The following TUT4 variants were observed in gnomAD, a reference collection of about 807,000 sequenced individuals.
TUT4 encodes terminal uridylyltransferase 4.
In TUT4, 36 loss-of-function variants were observed where a neutral mutation model predicts 192.2. That is an observed-to-expected ratio of 0.19 (90% CI 0.14 to 0.25). The LOEUF (loss-of-function observed/expected upper bound fraction) is 0.25, where lower values mean the gene tolerates loss of function less well. Ranked by LOEUF, TUT4 falls within the 10% of genes least tolerant of loss-of-function variation. TUT4 has a pLI of 1.00. For missense variants in TUT4, 1,493 were observed against 1,957.2 expected (o/e 0.76, Z 4.47); for synonymous variants, 618 against 666.0 (o/e 0.93, Z 1.11).
intron 20 of TUT4, among the ~76,000 whole-genome samples, chr1:52,452,493 A>G (rs75423463): frequency 0.087 from 13,266 of 152,240 alleles, 735 homozygotes; most frequent in East Asian, 0.2. Context: ...CTATACCCCA[A>G]CCTTTGGGGA....
At chr1:52,442,761 T>TTATGGAATAC (rs747834487) in intron 24 of TUT4, among the ~76,000 whole-genome samples, 2 of 152,158 alleles carry the variant, frequency 1.3e-5, no homozygotes, top group African/African-American at 2.4e-5. Flanking sequence ...TATATCCAAG[T>TTATGGAATAC]TATGGAATAC....
Position 52,479,997 on chromosome 1 carries a change from GAAAAAAAAA to G in TUT4, c.1848+1417_1848+1425del, listed in dbSNP as rs375149209. Among the ~76,000 whole-genome samples the G allele has an allele frequency of 4.5e-4, 30 of 67,208 alleles. No homozygotes were observed. The South Asian group carries it at 0.012, about 27-fold the overall frequency. 44.1% of individuals were successfully genotyped at this position (67,208 alleles called of 152,430 possible). A position where few individuals can be genotyped will look rare whatever the true frequency, so the allele number is the denominator to read the frequency against. On this transcript the variant is annotated intron_variant, in intron 11 of 29. Transcript: ENST00000257177. ...GCGACAGAGCGAGACTCCGTCTCAG[GAAAAAAAAA>G]AAAAAAAAAAAAAGACTATTAGATA... is the stretch of plus-strand genomic sequence containing the variant.
chr1:52,425,126 T>C, intron 29 of TUT4: 1 of 407,764 alleles, frequency 2.5e-6, no homozygotes, highest in Non-Finnish European at 4.2e-6. Flanking sequence ...TCATCTAAAC[T>C]CCTTTTCTAT....
intron 1 of TUT4, among the ~76,000 whole-genome samples, chr1:52,541,675 C>T (rs1045008517): frequency 2.7e-5 from 4 of 150,388 alleles, no homozygotes; most frequent in African/African-American, 9.8e-5. Context: ...CTTGGATCAA[C>T]AATGATTTTT....
chr1:52,497,210 A>G (rs1261571846), intron 4 of TUT4, 27 bp from the exon 5 acceptor site: 76 of 1,541,482 alleles, frequency 4.9e-5, no homozygotes, highest in Non-Finnish European at 6.4e-5. Context: ...TCACAACAAT[A>G]AAAACAAAAA....
At chr1:52,484,995 A>G (rs1282677695) in intron 9 of TUT4, among the ~76,000 whole-genome samples, 1 of 152,124 alleles carries the variant, frequency 6.6e-6, no homozygotes, top group African/African-American at 2.4e-5. Context: ...TTATTTATGT[A>G]TTTCTTTACT....
intron 24 of TUT4, among the ~76,000 whole-genome samples, chr1:52,440,526 T>G (rs1655223942): frequency 6.6e-6 from 1 of 151,870 alleles, no homozygotes; most frequent in African/African-American, 2.4e-5. Flanking sequence ...TCATCCTAGT[T>G]TTTGCCAGGA....
chr1:52,479,610 T>C (rs1269309754), intron 11 of TUT4, among the ~76,000 whole-genome samples: 1 of 152,158 alleles, frequency 6.6e-6, no homozygotes, highest in Non-Finnish European at 1.5e-5. Context: ...ACTGAAAGGA[T>C]GCAGTGCAAA....
chr1:52,446,114 T>G, intron 22 of TUT4, 110 bp from the exon 23 acceptor site: 1 of 1,306,328 alleles, frequency 7.7e-7, no homozygotes, highest in South Asian at 1.4e-5. Context: ...ACTATACAAA[T>G]CAGCAAACTC....
At chr1:52,522,987 C>CTTT (rs748149518) in intron 2 of TUT4, among the ~76,000 whole-genome samples, 1,416 of 89,534 alleles carry the variant, frequency 0.016, 18 homozygotes, top group East Asian at 0.019. Flanking sequence ...CCTTAACTAT[C>CTTT]TTTTTTTTTT....
intron 4 of TUT4, among the ~76,000 whole-genome samples, chr1:52,507,889 C>T (rs1163212621): frequency 6.6e-6 from 1 of 152,144 alleles, no homozygotes; most frequent in South Asian, 2.1e-4. Context: ...TGGCTCACTG[C>T]AGCCTCCACC....
intron 1 of TUT4, among the ~76,000 whole-genome samples, chr1:52,528,156 G>A (rs1682326684): frequency 6.6e-6 from 1 of 150,730 alleles, no homozygotes; most frequent in East Asian, 1.9e-4. Flanking sequence ...TCCAGCCTGG[G>A]TGACAGAGCA....
Position 52,525,738 on chromosome 1 carries a change from T to C in TUT4, c.543A>G (p.Gly181=). The change falls in exon 2 of 30, where the codon GGA becomes GGG. Residue 181 remains glycine (G), a synonymous_variant. Coordinates refer to ENST00000257177, the MANE Select transcript of TUT4 (RefSeq NM_001009881.3). ...AAGTAAAGGAGCTTGGAATTTTTTTTCCAATCTGTTGTAATTCTGTCTTCT... is the reference window on the plus strand; with the variant it reads ...AAGTAAAGGAGCTTGGAATTTTTTTCCCAATCTGTTGTAATTCTGTCTTCT... ...MRQKTELQQI[G]KKIPSSFTSV... 2.5e-6 allele frequency: 4 copies of C among 1,614,210 alleles called. No homozygotes were observed. Among genetic ancestry groups the C allele is most frequent in the Non-Finnish European group, 3.4e-6 (4 of 1,180,034 alleles).
At chr1:52,533,315 T>A (rs536394885) in intron 1 of TUT4, among the ~76,000 whole-genome samples, 193 of 152,370 alleles carry the variant, frequency 1.3e-3, no homozygotes, top group Non-Finnish European at 2.2e-3. Context: ...ATATACTTAA[T>A]CACATTTCCC....
intron 11 of TUT4, among the ~76,000 whole-genome samples, chr1:52,478,931 T>C (rs1339496771): frequency 6.6e-6 from 1 of 151,956 alleles, no homozygotes; most frequent in Non-Finnish European, 1.5e-5. Flanking sequence ...TTACTTTCTA[T>C]GGAAAGACAA....
intron 11 of TUT4, among the ~76,000 whole-genome samples, chr1:52,480,924 T>C (rs1181302620): frequency 1.3e-5 from 2 of 152,214 alleles, no homozygotes; most frequent in Non-Finnish European, 2.9e-5. Flanking sequence ...ATTTCTGTAA[T>C]AATGCATCTG....
intron 1 of TUT4, among the ~76,000 whole-genome samples, chr1:52,548,238 G>A (rs979153188): frequency 1.3e-5 from 2 of 152,062 alleles, no homozygotes; most frequent in African/African-American, 4.8e-5. Flanking sequence ...AGCACTTAAT[G>A]AACACTTAAT....
At chr1:52,437,174 T>C (rs1654043880) in intron 25 of TUT4, 196 bp from the exon 26 acceptor site, 1 of 605,658 alleles carries the variant, frequency 1.7e-6, no homozygotes. Context: ...TGTAAAACAA[T>C]ATTATATTAA....
chr1:52,514,777 A>ATTTTTT (rs34845083), intron 3 of TUT4: 1 of 135,602 alleles, frequency 7.4e-6, no homozygotes. Context: ...TTTATTTGTG[A>ATTTTTT]TTTTTTTTTT....
Sources: allele counts gnomAD v4.1 joint callset (sites outside exome capture counted in the v4.1 genomes callset), GRCh38; gene constraint gnomAD v4.1.1; transcripts MANE v1.5; gene names NCBI Gene and HGNC (gene_info 2026-07-23, HGNC 2026-07-21).